DPP10: variants seen among roughly 807,000 people sequenced by gnomAD.
DPP10 encodes dipeptidyl peptidase like 10.
A neutral mutation model predicts 120.9 loss-of-function variants in DPP10; 33 were observed. The observed-to-expected ratio is 0.27, with a 90% CI of 0.21 to 0.37. The LOEUF (loss-of-function observed/expected upper bound fraction) is 0.37. DPP10 is among the 10% of genes least tolerant of loss of function. The probability of loss-of-function intolerance (pLI) is 1.00; values close to 1 mark genes in which losing one functional copy is unlikely to be tolerated. For synonymous variants in DPP10, 337 were observed against 326.1 expected (o/e 1.03, Z -0.36); for missense variants, 816 against 942.8 (o/e 0.87, Z 1.76).
At chr2:114,631,642 C>T (rs897343850) in intron 1 of DPP10, among the ~76,000 whole-genome samples, 13 of 152,128 alleles carry the variant, frequency 8.5e-5, no homozygotes, top group Non-Finnish European at 2.9e-5. Flanking sequence ...ACTCTCTCTC[C>T]TTTATTTGTA....
chr2:114,728,157 C>T (rs565320915), intron 1 of DPP10, among the ~76,000 whole-genome samples: 12 of 152,256 alleles, frequency 7.9e-5, no homozygotes, highest in South Asian at 4.1e-4. Context: ...GACTTCTTGG[C>T]GAACAGACCA....
chr2:115,544,950 GTTT>G, intron 5 of DPP10, among the ~76,000 whole-genome samples: 1 of 152,086 alleles, frequency 6.6e-6, no homozygotes, highest in African/African-American at 2.4e-5. Flanking sequence ...TGCCTAAGTT[GTTT>G]TCTTTCTTCT....
chr2:114,819,387 G>A (rs867047009), intron 1 of DPP10, among the ~76,000 whole-genome samples: 11 of 152,050 alleles, frequency 7.2e-5, no homozygotes, highest in Admixed American at 5.2e-4. Flanking sequence ...CTAAAATGAG[G>A]GGGATGGGCT....
At chr2:115,357,719 G>A (rs1443497616) in intron 3 of DPP10, among the ~76,000 whole-genome samples, 1 of 152,170 alleles carries the variant, frequency 6.6e-6, no homozygotes, top group Non-Finnish European at 1.5e-5. Context: ...TCCTAGCAGA[G>A]GTTCTCTATG....
chr2:114,489,379 A>G (rs1253821516), intron 1 of DPP10, among the ~76,000 whole-genome samples: 1 of 152,150 alleles, frequency 6.6e-6, no homozygotes, highest in East Asian at 1.9e-4. Context: ...CTTCCCAACC[A>G]CATGCGGATG....
At chr2:114,628,646 C>T (rs760448441) in intron 1 of DPP10, among the ~76,000 whole-genome samples, 14 of 152,058 alleles carry the variant, frequency 9.2e-5, no homozygotes, top group Non-Finnish European at 1.0e-4. Flanking sequence ...ACTCTCCAAC[C>T]CAACTGAAGT....
intron 1 of DPP10, among the ~76,000 whole-genome samples, chr2:115,118,747 TTGTGTGTGTGTGTGTGTG>T (rs59183186): frequency 3.0e-4 from 42 of 140,410 alleles, no homozygotes; most frequent in Middle Eastern, 3.2e-3. Context: ...ACACAGCTAA[TTGTGTGTGTGTGTGTGTG>T]TGTGTGTGTG....
intron 19 of DPP10, among the ~76,000 whole-genome samples, chr2:115,813,967 C>G (rs1313575141): frequency 6.6e-6 from 1 of 152,206 alleles, no homozygotes; most frequent in Non-Finnish European, 1.5e-5. Context: ...GGAACTATAT[C>G]TAGGTATGGA....
intron 3 of DPP10, among the ~76,000 whole-genome samples, chr2:115,477,170 A>G (rs1257974007): frequency 6.6e-6 from 1 of 152,182 alleles, no homozygotes; most frequent in Non-Finnish European, 1.5e-5. Flanking sequence ...GATCAAGGAA[A>G]TTAGCCAAGA....
chr2:114,747,339 A>T lies in DPP10; in HGVS notation c.60+304501A>T, dbSNP rs942065688. 6.6e-5 allele frequency among the ~76,000 whole-genome samples: 10 copies of T among 152,328 alleles called. No individual in the cohort carries two copies. In the South Asian group the frequency reaches 2.1e-3, roughly 32 times the overall value. ...CAGTCTTTTATCCTTTGTAAGTGTG[A>T]TAACTATAAGATCCTTTATTTAAGG... On this transcript the variant is annotated intron_variant, in intron 1 of 25. Coordinates refer to ENST00000410059, the MANE Select transcript of DPP10 (RefSeq NM_020868.6).
chr2:115,817,450 G>A (rs568016415), intron 21 of DPP10, among the ~76,000 whole-genome samples: 1 of 152,202 alleles, frequency 6.6e-6, no homozygotes, highest in Non-Finnish European at 1.5e-5. Flanking sequence ...ACAGGTGGGT[G>A]TATAAAAAAC....
At chr2:115,499,228 G>A (rs2076557943) in intron 3 of DPP10, among the ~76,000 whole-genome samples, 1 of 152,060 alleles carries the variant, frequency 6.6e-6, no homozygotes, top group South Asian at 2.1e-4. Context: ...ACCACAGAAT[G>A]TGCAGCAGAC....
chr2:115,181,831 T>C (rs1342927078), intron 1 of DPP10, among the ~76,000 whole-genome samples: 1 of 152,168 alleles, frequency 6.6e-6, no homozygotes, highest in East Asian at 1.9e-4. Flanking sequence ...ATACAGACAT[T>C]CACTATAATA....
intron 5 of DPP10, among the ~76,000 whole-genome samples, chr2:115,583,856 G>A (rs2082138625): frequency 6.6e-6 from 1 of 152,174 alleles, no homozygotes; most frequent in African/African-American, 2.4e-5. Context: ...AGTCTGAACT[G>A]TACAGCAAAG....
intron 4 of DPP10, among the ~76,000 whole-genome samples, chr2:115,500,595 A>G (rs2076634881): frequency 6.6e-6 from 1 of 152,038 alleles, no homozygotes; most frequent in Non-Finnish European, 1.5e-5. Flanking sequence ...TTATATATGT[A>G]TATCATTGGG....
chr2:114,885,641 G>A (rs545265420), intron 1 of DPP10, among the ~76,000 whole-genome samples: 5 of 152,088 alleles, frequency 3.3e-5, no homozygotes, highest in African/African-American at 9.6e-5. Flanking sequence ...TTTTTTCGTT[G>A]TTCATAAACT....
chr2:114,967,243 A>AT (rs1699098599), intron 1 of DPP10, among the ~76,000 whole-genome samples: 1 of 152,188 alleles, frequency 6.6e-6, no homozygotes, highest in Admixed American at 6.5e-5. Flanking sequence ...AAAACAATTG[A>AT]TAATTATTGG....
chr2:114,830,559 C>A lies in DPP10; in HGVS notation c.60+387721C>A, dbSNP rs144240466. Among the ~76,000 whole-genome samples the A allele has an allele frequency of 2.0e-5, 3 of 152,302 alleles. No individual in the cohort carries two copies. The East Asian group carries it at 5.8e-4, about 29-fold the overall frequency. ...GTACGTAAATGTGCCTTCTCCCCTC[C>A]CCGTTACACCCAGCACACATATTGC... On this transcript the variant is annotated intron_variant, in intron 1 of 25. Transcript: ENST00000410059.
At chr2:115,582,716 G>A (rs1186590956) in intron 5 of DPP10, among the ~76,000 whole-genome samples, 2 of 152,094 alleles carry the variant, frequency 1.3e-5, no homozygotes, top group Non-Finnish European at 2.9e-5. Flanking sequence ...ACAGCCGTAT[G>A]TAACTTTTAT....
Sources: allele counts gnomAD v4.1 joint callset (sites outside exome capture counted in the v4.1 genomes callset), GRCh38; gene constraint gnomAD v4.1.1; transcripts MANE v1.5; gene names NCBI Gene and HGNC (gene_info 2026-07-23, HGNC 2026-07-21).